CHN2: variants seen among roughly 807,000 people sequenced by gnomAD.
The protein encoded by CHN2 is chimerin 2, also known as beta-chimaerin.
CHN2 carries 35 observed loss-of-function variants against 56.3 expected under a neutral mutation model. That is an observed-to-expected ratio of 0.62 (90% CI 0.47 to 0.82). The LOEUF is 0.82. CHN2 is among the 40% of genes least tolerant of loss of function. The pLI, the probability that CHN2 is intolerant of heterozygous loss-of-function variation, is 0.00. For synonymous variants in CHN2, 210 were observed against 212.8 expected, an observed-to-expected ratio of 0.99 and a Z score of 0.12; for missense variants, 491 against 580.5, an observed-to-expected ratio of 0.85 and a Z score of 1.58.
chr7:29,332,698 TCA>T (rs1029015949), intron 1 of CHN2, among the ~76,000 whole-genome samples: 22 of 152,166 alleles, frequency 1.4e-4, no homozygotes, highest in African/African-American at 5.3e-4. Context: ...TGTAAAGTAT[TCA>T]ATACTTCATT....
At chr7:29,207,429 A>G (rs1453358415) in intron 1 of CHN2, among the ~76,000 whole-genome samples, 1 of 152,158 alleles carries the variant, frequency 6.6e-6, no homozygotes, top group Non-Finnish European at 1.5e-5. Context: ...TCCACTAGAT[A>G]AATGCCTCCC....
chr7:29,180,075 TCACA>T (rs1330811522), intron 2 of CHN2, among the ~76,000 whole-genome samples: 1 of 152,232 alleles, frequency 6.6e-6, no homozygotes, highest in African/African-American at 2.4e-5. Flanking sequence ...TTCCAAATAT[TCACA>T]TATTATGCTT....
chr7:29,382,958 G>A (rs772534690), intron 3 of CHN2, among the ~76,000 whole-genome samples: 3 of 152,168 alleles, frequency 2.0e-5, no homozygotes, highest in Non-Finnish European at 1.5e-5. Context: ...TGAGGATGTC[G>A]TGGGGCAAGA....
intron 1 of CHN2, chr7:29,197,939 A>G (rs1229764605): frequency 2.2e-6 from 1 of 456,336 alleles, no homozygotes; most frequent in Admixed American, 2.3e-5. Flanking sequence ...GGAGAAAAAG[A>G]CATTTCAGGA....
At chr7:29,159,672 C>T (rs1427347752) in intron 2 of CHN2, among the ~76,000 whole-genome samples, 2 of 152,116 alleles carry the variant, frequency 1.3e-5, no homozygotes, top group African/African-American at 4.8e-5. Context: ...GTGAGATCTA[C>T]CCTGACCCCC....
chr7:29,176,922 G>C (rs1388747864), intron 2 of CHN2, among the ~76,000 whole-genome samples: 5 of 151,820 alleles, frequency 3.3e-5, no homozygotes, highest in Non-Finnish European at 5.9e-5. Context: ...AAAATGCCTA[G>C]GTTAACTTCT....
intron 1 of CHN2, among the ~76,000 whole-genome samples, chr7:29,230,596 C>T (rs962567071): frequency 2.0e-5 from 3 of 152,302 alleles, no homozygotes; most frequent in East Asian, 1.9e-4. Flanking sequence ...CTGCTTCAGC[C>T]TCTCAAAGTG....
intron 1 of CHN2, among the ~76,000 whole-genome samples, chr7:29,240,820 TCG>T (rs1787608193): frequency 6.7e-6 from 1 of 149,194 alleles, no homozygotes; most frequent in African/African-American, 2.5e-5. Flanking sequence ...TTCTTCTTCG[TCG>T]TCGTCGTCGT....
chr7:29,420,508 A>T (rs996216083), intron 6 of CHN2, among the ~76,000 whole-genome samples: 2 of 152,254 alleles, frequency 1.3e-5, no homozygotes, highest in Non-Finnish European at 2.9e-5. Context: ...CATTATGCTA[A>T]GTGAAATATG....
At chr7:29,233,722 G>A (rs1263983874) in intron 1 of CHN2, among the ~76,000 whole-genome samples, 2 of 151,554 alleles carry the variant, frequency 1.3e-5, no homozygotes, top group Non-Finnish European at 2.9e-5. Flanking sequence ...GATGCAAGGA[G>A]ACCACCAGCC....
chr7:29,190,203 A>C (rs1782713441), upstream of CHN2, among the ~76,000 whole-genome samples: 1 of 152,244 alleles, frequency 6.6e-6, no homozygotes, highest in Non-Finnish European at 1.5e-5. Context: ...TCACTACAGC[A>C]AAAGAGCATT....
intron 6 of CHN2, among the ~76,000 whole-genome samples, chr7:29,449,771 C>T (rs1457628703): frequency 1.3e-5 from 2 of 152,154 alleles, no homozygotes; most frequent in African/African-American, 2.4e-5. Context: ...AAAGGCCCTG[C>T]TACAGAAGGC....
chr7:29,361,761 T>TG (rs1798751477), intron 2 of CHN2, among the ~76,000 whole-genome samples: 1 of 152,234 alleles, frequency 6.6e-6, no homozygotes, highest in South Asian at 2.1e-4. Context: ...ACCTGCATCC[T>TG]TTATTTGTAT....
At chr7:29,200,412 C>T (rs544534585) in intron 1 of CHN2, among the ~76,000 whole-genome samples, 337 of 137,616 alleles carry the variant, frequency 2.4e-3, no homozygotes, top group African/African-American at 8.8e-3. Flanking sequence ...TTCCTTCCTT[C>T]TTTCCTTCCT....
At chr7:29,380,424 T>C (rs144968451) in intron 3 of CHN2, among the ~76,000 whole-genome samples, 163 of 152,344 alleles carry the variant, frequency 1.1e-3, no homozygotes, top group African/African-American at 3.7e-3. Flanking sequence ...AAAAGGCTCC[T>C]TAGGGAGCTA....
chr7:29,413,611 TC>T (rs1447026167), intron 6 of CHN2, among the ~76,000 whole-genome samples: 1 of 152,206 alleles, frequency 6.6e-6, no homozygotes, highest in African/African-American at 2.4e-5. Context: ...ACTTCATTGT[TC>T]CTCCTCTTCC....
intron 1 of CHN2, among the ~76,000 whole-genome samples, chr7:29,255,409 C>T (rs3812368): frequency 0.24 from 36,958 of 152,000 alleles, 4,676 homozygotes; most frequent in African/African-American, 0.3. Context: ...GGAATAATCA[C>T]GAGGCAAGGA....
At chr7:29,296,488 T>G (rs1382340467) in intron 1 of CHN2, among the ~76,000 whole-genome samples, 3 of 152,224 alleles carry the variant, frequency 2.0e-5, no homozygotes, top group African/African-American at 7.2e-5. Context: ...GGTAAATGAC[T>G]TGTAGTTTCT....
At chr7:29,254,984 G>C (rs75845085) in intron 1 of CHN2, among the ~76,000 whole-genome samples, 2,267 of 152,280 alleles carry the variant, frequency 0.015, 47 homozygotes, top group African/African-American at 0.052. Flanking sequence ...TACCAAGAGA[G>C]CGTGCAGGTC....
Sources: gnomAD v4.1 joint callset for allele counts (sites outside exome capture counted in the v4.1 genomes callset) on GRCh38, gnomAD v4.1.1 for gene constraint, MANE v1.5 for transcripts, NCBI Gene and HGNC (gene_info 2026-07-23, HGNC 2026-07-21) for gene names.